SSBP3: variants seen among roughly 807,000 people sequenced by gnomAD.
The protein encoded by SSBP3 is single-stranded DNA-binding protein 3.
SSBP3 carries 5 observed loss-of-function variants against 69.6 expected under a neutral mutation model. That is an observed-to-expected ratio of 0.07 (90% CI 0.04 to 0.15). The LOEUF is 0.15. Ranked by LOEUF, SSBP3 falls within the 10% of genes least tolerant of loss-of-function variation. The pLI, the probability that SSBP3 is intolerant of heterozygous loss-of-function variation, is 1.00. For missense variants in SSBP3, 312 were observed against 534.0 expected, an observed-to-expected ratio of 0.58 and a Z score of 4.10; for synonymous variants, 196 against 193.4, an observed-to-expected ratio of 1.01 and a Z score of -0.11.
chr1:54,361,514 A>C (rs1646951868), intron 4 of SSBP3, among the ~76,000 whole-genome samples: 1 of 152,160 alleles, frequency 6.6e-6, no homozygotes, highest in African/African-American at 2.4e-5. Flanking sequence ...GCAGAGAAAC[A>C]CTGCCCCCAA....
intron 4 of SSBP3, among the ~76,000 whole-genome samples, chr1:54,381,297 C>T (rs983186269): frequency 1.4e-5 from 2 of 143,870 alleles, no homozygotes; most frequent in Non-Finnish European, 3.0e-5. Flanking sequence ...GCAAGACAAT[C>T]ACTTAAACTC....
chr1:54,316,668 AT>A (rs1281601063), intron 4 of SSBP3, among the ~76,000 whole-genome samples: 791 of 45,326 alleles, frequency 0.017, 64 homozygotes, highest in East Asian at 0.063. Context: ...AATAAAATAA[AT>A]AAATAAATAA....
chr1:54,373,591 C>T (rs1335231697), intron 4 of SSBP3, among the ~76,000 whole-genome samples: 2 of 151,876 alleles, frequency 1.3e-5, no homozygotes, highest in African/African-American at 4.8e-5. Flanking sequence ...TGGTGAAACC[C>T]CATCTCTATA....
chr1:54,344,610 C>T lies in SSBP3; in HGVS notation c.276+57251G>A, dbSNP rs1359418936. 2.0e-5 allele frequency among the ~76,000 whole-genome samples: 3 copies of T among 152,202 alleles called. No individual in the cohort carries two copies. In the East Asian group the frequency reaches 5.8e-4, roughly 29 times the overall value. On this transcript the variant is annotated intron_variant, in intron 4 of 17. Coordinates refer to ENST00000610401, the Ensembl canonical transcript of SSBP3. ...CTTAACACACTCGGTGTCGTCAGTA[C>T]AGGCAAGGCCTTGTAAAGAGAGGAA...
intron 4 of SSBP3, among the ~76,000 whole-genome samples, chr1:54,331,595 C>T (rs1042303815): frequency 1.3e-5 from 2 of 152,234 alleles, no homozygotes; most frequent in African/African-American, 2.4e-5. Flanking sequence ...GTTCCTCTTA[C>T]GTGACACAGG....
upstream of SSBP3, among the ~76,000 whole-genome samples, chr1:54,406,845 T>TC (rs901100651): frequency 2.3e-4 from 22 of 96,294 alleles, no homozygotes; most frequent in Admixed American, 1.9e-3. Flanking sequence ...GCCCCTCAGC[T>TC]CCCCCCCGCC....
intron 4 of SSBP3, among the ~76,000 whole-genome samples, chr1:54,351,865 G>A (rs1020564542): frequency 6.6e-6 from 1 of 152,170 alleles, no homozygotes; most frequent in African/African-American, 2.4e-5. Context: ...TCAGCACGCT[G>A]CCTATCTATC....
chr1:54,301,964 A>C (rs1645810311), intron 4 of SSBP3, among the ~76,000 whole-genome samples: 1 of 152,154 alleles, frequency 6.6e-6, no homozygotes, highest in Admixed American at 6.5e-5. Context: ...GCCCTATGGC[A>C]CCAATCCCTG....
At chr1:54,381,266 C>T (rs1443568066) in intron 4 of SSBP3, among the ~76,000 whole-genome samples, 1 of 151,322 alleles carries the variant, frequency 6.6e-6, no homozygotes, top group Admixed American at 6.6e-5. Flanking sequence ...GCCTGCAGTC[C>T]CAGCTACTCA....
At chr1:54,243,095 T>C in intron 10 of SSBP3, 140 bp downstream of exon 10, 2 of 792,792 alleles carry the variant, frequency 2.5e-6, no homozygotes, top group Non-Finnish European at 4.3e-6. Context: ...GGATCATCAA[T>C]ATCCTCACAT....
intron 4 of SSBP3, among the ~76,000 whole-genome samples, chr1:54,338,287 G>C (rs1219571540): frequency 2.6e-5 from 4 of 152,330 alleles, no homozygotes; most frequent in South Asian, 2.1e-4. Flanking sequence ...ATGCTAAAGC[G>C]AATGTTTATT....
Position 54,242,524 on chromosome 1 carries a change from T to C in SSBP3, c.717-312A>G, listed in dbSNP as rs79864434. ...TCACAACAGGGTTAAAAATCACAAA[T>C]GCACTAGAGAACAGTGGCTACACTG... On this transcript the variant is annotated intron_variant, in intron 10 of 17. Coordinates refer to ENST00000610401, the Ensembl canonical transcript of SSBP3. Among the ~76,000 whole-genome samples the C allele has an allele frequency of 8.1e-4, 124 of 152,354 alleles. No individual in the cohort carries two copies. The East Asian group carries it at 0.02, about 25-fold the overall frequency.
At chr1:54,347,468 T>C (rs1646708230) in intron 4 of SSBP3, among the ~76,000 whole-genome samples, 1 of 152,174 alleles carries the variant, frequency 6.6e-6, no homozygotes. Flanking sequence ...CCCACAGTGC[T>C]GGGATTACAG....
At chr1:54,243,180 G>T in intron 10 of SSBP3, 55 bp downstream of exon 10, 1 of 1,544,062 alleles carries the variant, frequency 6.5e-7, no homozygotes, top group Non-Finnish European at 9.0e-7. Context: ...GGTGCTGGCA[G>T]AGGGTGGGGG....
chr1:54,243,779 C>T (rs1644684152), intron 9 of SSBP3, among the ~76,000 whole-genome samples: 1 of 152,206 alleles, frequency 6.6e-6, no homozygotes, highest in South Asian at 2.1e-4. Context: ...AGGCCTGGCA[C>T]ATACAGACAC....
intron 12 of SSBP3, 47 bp downstream of exon 12, chr1:54,241,427 C>A (rs373967807): frequency 6.2e-7 from 1 of 1,606,560 alleles, no homozygotes; most frequent in Non-Finnish European, 8.5e-7. Context: ...CTTGCACACT[C>A]AGTCCCACGT....
At chr1:54,305,361 C>T (rs1033244125) in intron 4 of SSBP3, among the ~76,000 whole-genome samples, 1 of 143,180 alleles carries the variant, frequency 7.0e-6, no homozygotes, top group African/African-American at 2.8e-5. Context: ...GGTAGGGTTT[C>T]GATAAATAGC....
chr1:54,379,327 T>C (rs1264091641), intron 4 of SSBP3, among the ~76,000 whole-genome samples: 1 of 152,144 alleles, frequency 6.6e-6, no homozygotes, highest in Non-Finnish European at 1.5e-5. Context: ...TTAAAACCAC[T>C]GCATACCACA....
intron 4 of SSBP3, among the ~76,000 whole-genome samples, chr1:54,346,249 T>C (rs1033155705): frequency 6.7e-6 from 1 of 149,852 alleles, no homozygotes; most frequent in African/African-American, 2.5e-5. Flanking sequence ...TGCTTGAACC[T>C]GGGAGGCAGA....
Sources: allele counts gnomAD v4.1 joint callset (sites outside exome capture counted in the v4.1 genomes callset), GRCh38; gene constraint gnomAD v4.1.1; transcripts MANE v1.5; gene names NCBI Gene and HGNC (gene_info 2026-07-23, HGNC 2026-07-21).